Variants in MYH13 observed in about 807,000 individuals in gnomAD.
The protein encoded by MYH13 is myosin-13.
In MYH13, 177 loss-of-function variants were observed where a neutral mutation model predicts 232.1. That is an observed-to-expected ratio of 0.76 (90% CI 0.67 to 0.86). MYH13 has a LOEUF of 0.86. Ranked by LOEUF, MYH13 falls within the 40% of genes least tolerant of loss-of-function variation. The pLI, the probability that MYH13 is intolerant of heterozygous loss-of-function variation, is 0.00. For missense variants in MYH13, 2,246 were observed against 2,405.9 expected, an observed-to-expected ratio of 0.93 and a Z score of 1.39; for synonymous variants, 884 against 923.5, an observed-to-expected ratio of 0.96 and a Z score of 0.78.
At chr17:10,363,614 G>A (rs1416184708) in intron 3 of MYH13, among the ~76,000 whole-genome samples, 3 of 152,120 alleles carry the variant, frequency 2.0e-5, no homozygotes, top group Admixed American at 1.3e-4. Flanking sequence ...AATCCTCCAG[G>A]GAGGCTGTGA....
At chr17:10,301,493 G>C in intron 40 of MYH13, 76 bp downstream of exon 40, 2 of 1,585,630 alleles carry the variant, frequency 1.3e-6, no homozygotes, top group Non-Finnish European at 1.7e-6. Context: ...CCACACTCAG[G>C]CATTCGCTCT....
At chr17:10,322,089 A>C (rs370965664) in intron 23 of MYH13, among the ~76,000 whole-genome samples, 6 of 152,280 alleles carry the variant, frequency 3.9e-5, no homozygotes, top group Admixed American at 3.3e-4. Flanking sequence ...GAGAGGCGTG[A>C]GGTCCTACGC....
In MYH13 at chr17:10,311,227, T is replaced by C; in HGVS notation, c.4532A>G (p.Glu1511Gly). ...CTGCTCAGTTAAGTCGGAAATCTCT[T>C]CTGCAAAGGACAGGCTTGATTTAGG... ...TLRRENKNLQ[E>G]EISDLTEQIA... The change falls in exon 33 of 41, where the codon GAA becomes GGA. Residue 1511 changes from glutamate (E) to glycine (G), a missense_variant and splice_region_variant. Coordinates refer to ENST00000252172, the MANE Select transcript of MYH13 (RefSeq NM_003802.3). 6.2e-7 allele frequency: 1 copy of C among 1,614,028 alleles called. No individual in the cohort carries two copies. Among genetic ancestry groups the C allele is most frequent in the Non-Finnish European group, 8.5e-7 (1 of 1,179,904 alleles).
At chr17:10,359,404 C>T (rs968609632) in intron 7 of MYH13, among the ~76,000 whole-genome samples, 1 of 152,192 alleles carries the variant, frequency 6.6e-6, no homozygotes, top group Admixed American at 6.5e-5. Flanking sequence ...GAGGATGTCA[C>T]CTGCAGAGAC....
chr17:10,312,600 C>G lies in MYH13; in HGVS notation c.4339G>C (p.Asp1447His). Residue 1447 changes from aspartate to histidine, a missense_variant, in exon 31 of 41, where the codon GAC (aspartate) becomes CAC (histidine). By Grantham distance (81) the Asp-to-His change is moderately conservative (BLOSUM62 -1). Coordinates refer to ENST00000252172, the MANE Select transcript of MYH13 (RefSeq NM_003802.3). ...ERSHTACATLDKKQRNFDKVL... is the reference protein window; with the variant it reads ...ERSHTACATLHKKQRNFDKVL... Reference sequence around the variant, plus strand: ...TTGTCGAAGTTCCTCTGCTTCTTGTCCAGTGTGGCACAGGCGGTGTGGGAG... The same window carrying G: ...TTGTCGAAGTTCCTCTGCTTCTTGTGCAGTGTGGCACAGGCGGTGTGGGAG... 1 of 1,613,250 alleles carries G rather than the reference C, an allele frequency of 6.2e-7. No individual in the cohort carries two copies. The highest frequency in any genetic ancestry group is 1.1e-5 in the South Asian group (1 of 90,824).
chr17:10,315,487 G>A (rs903778847), intron 29 of MYH13, among the ~76,000 whole-genome samples: 1 of 152,086 alleles, frequency 6.6e-6, no homozygotes, highest in Non-Finnish European at 1.5e-5. Flanking sequence ...GTGGAGACGG[G>A]GTTTCGCCAT....
chr17:10,355,032 A>AT (rs1597388120), intron 9 of MYH13, 39 bp from the exon 10 acceptor site: 56 of 1,610,762 alleles, frequency 3.5e-5, no homozygotes, highest in Non-Finnish European at 4.6e-5. Context: ...GGCTCCCAAG[A>AT]GATGCTTTTG....
chr17:10,359,589 A>G (rs1285402683), intron 7 of MYH13, among the ~76,000 whole-genome samples: 1 of 152,160 alleles, frequency 6.6e-6, no homozygotes, highest in East Asian at 1.9e-4. Context: ...GCTCCTCCCA[A>G]TTAATAGCTG....
chr17:10,322,094 C>A (rs1906961559), intron 23 of MYH13, among the ~76,000 whole-genome samples: 1 of 152,072 alleles, frequency 6.6e-6, no homozygotes. Flanking sequence ...GCGTGAGGTC[C>A]TACGCAAGAA....
chr17:10,349,245 G>A (rs2071691300), intron 12 of MYH13, among the ~76,000 whole-genome samples: 1 of 152,088 alleles, frequency 6.6e-6, no homozygotes, highest in African/African-American at 2.4e-5. Context: ...TGGGAATACA[G>A]GCAGGCACCA....
At position 10,318,828 on chromosome 17, in the gene MYH13, C is replaced by A. The variant is rs202142602; in HGVS notation, c.3700G>T (p.Asp1234Tyr). 2.5e-6 allele frequency: 4 copies of A among 1,614,040 alleles called. No homozygotes were observed. Among genetic ancestry groups the A allele is most frequent in the Non-Finnish European group, 3.4e-6 (4 of 1,180,010 alleles). ...AGAGCCTCGATGTTGCTGGCCATGT[C>A]GTCAATCTCCATCTTCAGCTCGCTC... ...EKSELKMEID[D>Y]MASNIEALSK... is the part of the protein sequence containing the mutation. Residue 1234 changes from aspartate to tyrosine, a missense_variant, in exon 27 of 41, where the codon GAC (aspartate) becomes TAC (tyrosine). Asp to Tyr is a radical substitution (Grantham distance 160). Coordinates refer to ENST00000252172, the MANE Select transcript of MYH13 (RefSeq NM_003802.3).
At chr17:10,318,357 G>C (rs1263428361) in intron 27 of MYH13, among the ~76,000 whole-genome samples, 1 of 152,152 alleles carries the variant, frequency 6.6e-6, no homozygotes, top group Non-Finnish European at 1.5e-5. Context: ...GGGCTTTTGG[G>C]AGGTGATAAG....
Position 10,364,378 on chromosome 17 carries a change from C to T in MYH13, c.153G>A (p.Met51Ile), listed in dbSNP as rs1269526818. 1 of 1,613,824 alleles carries T rather than the reference C, an allele frequency of 6.2e-7. No individual in the cohort carries two copies. Among genetic ancestry groups the T allele is most frequent in the Non-Finnish European group, 8.5e-7 (1 of 1,179,866 alleles). The change falls in exon 3 of 41, where the codon ATG becomes ATA. Residue 51 changes from methionine (M) to isoleucine (I), a missense_variant. Met to Ile is a conservative substitution (Grantham distance 10). Coordinates refer to ENST00000252172, the MANE Select transcript of MYH13 (RefSeq NM_003802.3). ...CTTTGTCATTTTCCCTAGTCTGGAT[C>T]ATGCCTTTCACATACATTTCCTTAT... ...ADNKEMYVKGMIQTRENDKVI... is the reference protein window; with the variant it reads ...ADNKEMYVKGIIQTRENDKVI...
chr17:10,327,746 C>T (rs1375117293), intron 22 of MYH13, 120 bp downstream of exon 22: 14 of 1,298,178 alleles, frequency 1.1e-5, no homozygotes, highest in East Asian at 4.8e-5. Flanking sequence ...CAATACTCCA[C>T]ATGACCACTG....
chr17:10,317,904 A>G (rs777929875), intron 27 of MYH13: 1 of 152,182 alleles, frequency 6.6e-6, no homozygotes, highest in African/African-American at 2.4e-5. Flanking sequence ...TTAAATATCA[A>G]CTTTCATGCC....
chr17:10,358,396 G>A (rs1177599435), intron 7 of MYH13, among the ~76,000 whole-genome samples: 1 of 152,130 alleles, frequency 6.6e-6, no homozygotes, highest in African/African-American at 2.4e-5. Context: ...GAGCAATTTA[G>A]AAACTACTGT....
intron 12 of MYH13, among the ~76,000 whole-genome samples, chr17:10,350,313 C>G (rs56889152): frequency 0.029 from 4,400 of 152,146 alleles, 162 homozygotes; most frequent in East Asian, 0.11. Context: ...TAGTGGAGTG[C>G]GTGGTGATTA....
chr17:10,332,288 C>A, intron 19 of MYH13, 66 bp from the exon 20 acceptor site: 1 of 1,581,406 alleles, frequency 6.3e-7, no homozygotes, highest in South Asian at 1.1e-5. Context: ...TGAGACCAGC[C>A]TTCTAGAATC....
chr17:10,312,866 G>T, intron 30 of MYH13, 109 bp from the exon 31 acceptor site: 1 of 1,286,056 alleles, frequency 7.8e-7, no homozygotes, highest in South Asian at 1.5e-5. Context: ...GGTGTTTGAT[G>T]AGACCAAGAC....
Sources: gnomAD v4.1 joint callset for allele counts (sites outside exome capture counted in the v4.1 genomes callset) on GRCh38, gnomAD v4.1.1 for gene constraint, MANE v1.5 for transcripts, NCBI Gene and HGNC (gene_info 2026-07-23, HGNC 2026-07-21) for gene names.